NIBAN3: variants seen among roughly 807,000 people sequenced by gnomAD.
NIBAN3 encodes the protein niban apoptosis regulator 3, also known as protein Niban 3.
Under a neutral mutation model 76.4 loss-of-function variants are expected in NIBAN3, and 66 were observed. The observed-to-expected ratio is 0.86, with a 90% CI of 0.71 to 1.06. NIBAN3 has a LOEUF of 1.06. NIBAN3 is among the 50% of genes least tolerant of loss of function. NIBAN3 has a pLI of 0.00. For missense variants in NIBAN3, 808 were observed against 810.7 expected, an observed-to-expected ratio of 1.00 and a Z score of 0.04; for synonymous variants, 360 against 355.2, an observed-to-expected ratio of 1.01 and a Z score of -0.15.
chr19:17,551,117 G>A (rs777803136), intron 14 of NIBAN3, among the ~76,000 whole-genome samples: 2 of 151,404 alleles, frequency 1.3e-5, no homozygotes, highest in African/African-American at 2.4e-5. Flanking sequence ...TATTTTTTGA[G>A]ATGGAGTGTC....
rs1250430477 is a variant in NIBAN3 at position 17,553,121 on chromosome 19, A to G, written c.*1223A>G. On this transcript the variant is annotated 3_prime_UTR_variant, in exon 15 of 15. Transcript: ENST00000599164. ...GTTGATTAGCCATTTACATGTTTGTAGTTTTTTTTTTTTTAATTTCAGTGA... is the reference window on the plus strand; with the variant it reads ...GTTGATTAGCCATTTACATGTTTGTGGTTTTTTTTTTTTTAATTTCAGTGA... 4 of 723,528 alleles carry G rather than the reference A, an allele frequency of 5.5e-6. No individual in the cohort carries two copies. The highest frequency in any genetic ancestry group is 8.4e-6 in the Non-Finnish European group (4 of 477,926). 44.8% of individuals were successfully genotyped at this position (723,528 alleles called of 1,614,324 possible).
intron 3 of NIBAN3, 86 bp downstream of exon 3, chr19:17,532,474 A>C: frequency 1.3e-6 from 2 of 1,585,936 alleles, no homozygotes; most frequent in Non-Finnish European, 1.7e-6. Flanking sequence ...TCCATATCTC[A>C]GCATAGCCCC....
upstream of NIBAN3, among the ~76,000 whole-genome samples, chr19:17,526,427 G>A (rs557832769): frequency 4.0e-5 from 6 of 151,874 alleles, no homozygotes; most frequent in South Asian, 1.2e-3. Flanking sequence ...CGGATCACTT[G>A]AGTCCAGAAG....
chr19:17,534,760 C>T (rs1042908825), intron 4 of NIBAN3, among the ~76,000 whole-genome samples: 1 of 141,928 alleles, frequency 7.0e-6, no homozygotes, highest in Non-Finnish European at 1.5e-5. Flanking sequence ...CACTGCACTC[C>T]AGCCAGGGTG....
intron 4 of NIBAN3, among the ~76,000 whole-genome samples, chr19:17,535,762 A>G (rs1183715414): frequency 1.3e-5 from 2 of 150,822 alleles, no homozygotes; most frequent in African/African-American, 2.4e-5. Context: ...AAAAAAAAAA[A>G]GCCAGGTGGC....
intron 14 of NIBAN3, among the ~76,000 whole-genome samples, chr19:17,551,467 G>T (rs892284072): frequency 6.6e-6 from 1 of 151,482 alleles, no homozygotes; most frequent in Non-Finnish European, 1.5e-5. Context: ...GAGTGCAATG[G>T]CGCGATCTCG....
At chr19:17,547,979 G>A (rs1599758208) in intron 13 of NIBAN3, among the ~76,000 whole-genome samples, 3 of 152,144 alleles carry the variant, frequency 2.0e-5, no homozygotes, top group Admixed American at 2.0e-4. Flanking sequence ...ACAAAACTAC[G>A]GATAGACATT....
At position 17,551,806 on chromosome 19, in the gene NIBAN3, C is replaced by T. The variant is rs775474454; in HGVS notation, c.1771C>T (p.Arg591Trp). The T allele has an allele frequency of 1.8e-5, 14 of 779,656 alleles. No individual in the cohort carries two copies. Among genetic ancestry groups the T allele is most frequent in the South Asian group, 1.5e-4 (11 of 74,558 alleles). 48.3% of individuals were successfully genotyped at this position (779,656 alleles called of 1,614,324 possible). ...TACAGATGAGGAAACTGAGGCTGAG[C>T]GGGAAGGAGGGGCTTGTCCCAGGCA... The part of the protein sequence containing the change: ...EGADEETEAE[R>W]EGGACPRQPD... Residue 591 changes from arginine to tryptophan, a missense_variant, in exon 15 of 15, where the codon CGG becomes TGG. By Grantham distance (101) the Arg-to-Trp change is moderately radical. Coordinates refer to ENST00000599164, the MANE Select transcript of NIBAN3 (RefSeq NM_001321827.2).
In NIBAN3 at chr19:17,537,548, G is replaced by T; in HGVS notation, c.595+5G>T. On this transcript the variant is annotated splice_donor_5th_base_variant and intron_variant, in intron 5 of 14. Coordinates refer to ENST00000599164, the MANE Select transcript of NIBAN3 (RefSeq NM_001321827.2). Reference sequence around the variant, plus strand: ...GCATCCGGCTTCAGGGCATAGGTGGGTCTCAGGACGGGTCAGACATTTGTG... The same window carrying T: ...GCATCCGGCTTCAGGGCATAGGTGGTTCTCAGGACGGGTCAGACATTTGTG... 6.3e-7 allele frequency: 1 copy of T among 1,578,654 alleles called. No individual in the cohort carries two copies. Among genetic ancestry groups the T allele is most frequent in the Non-Finnish European group, 8.6e-7 (1 of 1,167,058 alleles).
intron 14 of NIBAN3, among the ~76,000 whole-genome samples, chr19:17,550,215 C>T (rs990941914): frequency 6.6e-6 from 1 of 152,104 alleles, no homozygotes; most frequent in Non-Finnish European, 1.5e-5. Context: ...TGACAGGGGC[C>T]TTAGGTTTAC....
intron 4 of NIBAN3, among the ~76,000 whole-genome samples, chr19:17,536,273 C>T (rs868162602): frequency 1.3e-5 from 2 of 152,164 alleles, no homozygotes; most frequent in Admixed American, 6.6e-5. Flanking sequence ...TCACTGCAAC[C>T]TCCGCCTCCC....
At chr19:17,525,582 C>T (rs541454366), upstream of NIBAN3, among the ~76,000 whole-genome samples, 3 of 152,130 alleles carry the variant, frequency 2.0e-5, no homozygotes, top group Admixed American at 6.6e-5. Context: ...TGGGCGACCA[C>T]GTGCAGGAGG....
chr19:17,555,177 C>A (rs1479615221), downstream of NIBAN3, among the ~76,000 whole-genome samples: 6 of 152,106 alleles, frequency 3.9e-5, no homozygotes, highest in Non-Finnish European at 7.4e-5. Flanking sequence ...AAGGCGGGGA[C>A]TGAATGTGAC....
chr19:17,530,660 G>GC, intron 1 of NIBAN3, 95 bp from the exon 2 acceptor site: 1 of 1,219,868 alleles, frequency 8.2e-7, no homozygotes, highest in African/African-American at 1.6e-5. Flanking sequence ...GACTACAGGA[G>GC]CCCCCAGGTG....
intron 1 of NIBAN3, 91 bp from the exon 2 acceptor site, chr19:17,530,664 C>A (rs570951040): frequency 7.6e-7 from 1 of 1,308,554 alleles, no homozygotes; most frequent in Non-Finnish European, 1.0e-6. Context: ...ACAGGAGCCC[C>A]CAGGTGGCTT....
intron 6 of NIBAN3, 27 bp from the exon 7 acceptor site, chr19:17,539,320 C>T: frequency 9.0e-6 from 14 of 1,553,216 alleles, no homozygotes; most frequent in Non-Finnish European, 1.2e-5. Context: ...CGGCCGACCG[C>T]GGCGCCCATG....
intron 5 of NIBAN3, 70 bp from the exon 6 acceptor site, chr19:17,539,080 C>T (rs915079587): frequency 2.7e-4 from 368 of 1,380,766 alleles, no homozygotes; most frequent in Non-Finnish European, 3.5e-4. Context: ...AGGCGGAGGG[C>T]TTCCTCCCCG....
chr19:17,537,274 T>C, intron 4 of NIBAN3, 102 bp from the exon 5 acceptor site: 1 of 1,166,832 alleles, frequency 8.6e-7, no homozygotes, highest in Non-Finnish European at 1.2e-6. Flanking sequence ...GACTCATATT[T>C]ATCGAGCAAC....
rs772257394 is a variant in NIBAN3, at chr19:17,542,188, AC to A, written c.1225del (p.Arg409ValfsTer52). ...GACTTGGCGCTGATGCAGACATGCT[AC>A]CGTGAGGCCGAGCGGAGCCGGGGGC... Reference protein sequence around the residue: ...PWDLALMQTCYREAERSRGRL... With the variant: ...PWDLALMQTCXREAERSRGRL... On this transcript the variant is annotated frameshift_variant, in exon 10 of 15. Coordinates refer to ENST00000599164, the MANE Select transcript of NIBAN3 (RefSeq NM_001321827.2). LOFTEE classifies it high-confidence loss of function. The surrounding 1 kb of genome is among the most constrained non-coding windows in gnomAD (Gnocchi z 4.8). 1.9e-6 allele frequency: 3 copies of A among 1,614,052 alleles called. No individual in the cohort carries two copies. In the African/African-American group the frequency reaches 4.0e-5, roughly 22 times the overall value.
Sources: gnomAD v4.1 joint callset for allele counts (sites outside exome capture counted in the v4.1 genomes callset) on GRCh38, gnomAD v4.1.1 for gene constraint, Gnocchi (gnomAD v3.1) non-coding constraint, MANE v1.5 for transcripts, NCBI Gene and HGNC (gene_info 2026-07-23, HGNC 2026-07-21) for gene names.